DYTN: variants seen among roughly 807,000 people sequenced by gnomAD.
The protein encoded by DYTN is dystrotelin.
A neutral mutation model predicts 69.6 loss-of-function variants in DYTN; 75 were observed. The observed-to-expected ratio is 1.08, with a 90% CI of 0.89 to 1.31. The LOEUF (loss-of-function observed/expected upper bound fraction) is 1.31. Among genes scored for constraint, DYTN ranks in the 50% most tolerant of loss-of-function variants. The probability of loss-of-function intolerance (pLI) is 0.00; values close to 1 mark genes in which losing one functional copy is unlikely to be tolerated. For missense variants in DYTN, 726 were observed against 688.4 expected (o/e 1.05, Z -0.61); for synonymous variants, 252 against 249.1 (o/e 1.01, Z -0.11).
rs563700897 is a variant in DYTN, at chr2:206,713,045, G to A, written c.20-2447C>T. 1.3e-4 allele frequency among the ~76,000 whole-genome samples: 20 copies of A among 152,288 alleles called. No individual in the cohort carries two copies. In the South Asian group the frequency reaches 1.9e-3, roughly 14 times the overall value. On this transcript the variant is annotated intron_variant, in intron 1 of 11. Coordinates refer to ENST00000452335, the MANE Select transcript of DYTN (RefSeq NM_001093730.1). ...ATGAACTTAGAGATGGAGAGAAACCGCTTCCTGGTGACAATGTCCCAGCCC... is the reference window on the plus strand; with the variant it reads ...ATGAACTTAGAGATGGAGAGAAACCACTTCCTGGTGACAATGTCCCAGCCC...
Position 206,710,519 on chromosome 2 carries a change from C to G in DYTN, c.94+5G>C. 1.2e-6 allele frequency: 2 copies of G among 1,608,898 alleles called. No individual in the cohort carries two copies. Among genetic ancestry groups the G allele is most frequent in the South Asian group, 2.2e-5 (2 of 89,734 alleles). On this transcript the variant is annotated splice_donor_5th_base_variant and intron_variant, in intron 2 of 11. Coordinates refer to ENST00000452335, the MANE Select transcript of DYTN (RefSeq NM_001093730.1). Reference sequence around the variant, plus strand: ...TTCAAATATTTCAGGAGAGCCTATACTTACACTGGCACAGAGTTTGCACTG... The same window carrying G: ...TTCAAATATTTCAGGAGAGCCTATAGTTACACTGGCACAGAGTTTGCACTG...
chr2:206,707,194 T>C (rs1700035585), intron 3 of DYTN, 108 bp downstream of exon 3: 4 of 1,341,640 alleles, frequency 3.0e-6, no homozygotes, highest in Non-Finnish European at 4.1e-6. Flanking sequence ...CAAAGAAGAC[T>C]TCTTATATAC....
Position 206,705,837 on chromosome 2 carries a change from G to A in DYTN, c.333C>T (p.Ala111=), listed in dbSNP as rs559885128. Residue 111 remains alanine, a synonymous_variant, in exon 4 of 12, where the codon GCC becomes GCT. Transcript: ENST00000452335. The stretch of plus-strand genomic sequence containing the variant: ...CTCCTGAGAGGGTTATTAGGGCAGC[G>A]GCCGCAGGCATAAGCTGGAGAAAAC... ...GTGFLQLMPA[A]AALITLSGDS... is the part of the protein sequence containing the mutation. The A allele has an allele frequency of 8.5e-5, 137 of 1,613,850 alleles. No homozygotes were observed. Among genetic ancestry groups the A allele is most frequent in the Middle Eastern group, 8.3e-4 (5 of 6,060 alleles).
At chr2:206,690,160 T>C (rs1266188988) in intron 9 of DYTN, among the ~76,000 whole-genome samples, 1 of 152,156 alleles carries the variant, frequency 6.6e-6, no homozygotes, top group African/African-American at 2.4e-5. Flanking sequence ...GCCTTCAGGA[T>C]GAGCCTACAT....
chr2:206,653,823 A>G (rs997623740), intron 11 of DYTN, among the ~76,000 whole-genome samples: 2 of 152,186 alleles, frequency 1.3e-5, no homozygotes, highest in South Asian at 2.1e-4. Context: ...TGCCAACCGC[A>G]TAACAGTTTT....
At chr2:206,712,017 G>A (rs1242835537) in intron 1 of DYTN, among the ~76,000 whole-genome samples, 1 of 152,078 alleles carries the variant, frequency 6.6e-6, no homozygotes, top group Admixed American at 6.5e-5. Context: ...ATTCAATAAA[G>A]TTATATAAGA....
chr2:206,705,928 T>A, intron 3 of DYTN, 55 bp from the exon 4 acceptor site: 1 of 1,574,342 alleles, frequency 6.4e-7, no homozygotes, highest in Non-Finnish European at 8.7e-7. Context: ...TTACCTTTGG[T>A]GTAATGGATG....
intron 11 of DYTN, among the ~76,000 whole-genome samples, chr2:206,655,114 T>C (rs1026485487): frequency 1.3e-5 from 2 of 152,202 alleles, no homozygotes; most frequent in African/African-American, 4.8e-5. Context: ...ATGTTAGCTG[T>C]GGGTTTTTCT....
At chr2:206,653,268 A>T (rs1699408228) in intron 11 of DYTN, among the ~76,000 whole-genome samples, 1 of 152,182 alleles carries the variant, frequency 6.6e-6, no homozygotes, top group South Asian at 2.1e-4. Context: ...ACATACTGTA[A>T]TTTTTCTTAT....
intron 5 of DYTN, among the ~76,000 whole-genome samples, chr2:206,700,632 A>T (rs1699967480): frequency 6.6e-6 from 1 of 151,810 alleles, no homozygotes; most frequent in Non-Finnish European, 1.5e-5. Context: ...TCTGGGATAC[A>T]TGTGCAGAAC....
chr2:206,678,406 T>TA (rs1427302563), intron 9 of DYTN, among the ~76,000 whole-genome samples: 7 of 152,364 alleles, frequency 4.6e-5, no homozygotes, highest in African/African-American at 7.2e-5. Context: ...TGAAGAGCCT[T>TA]AAAAATGTTT....
At chr2:206,674,226 T>C (rs78245736) in intron 9 of DYTN, among the ~76,000 whole-genome samples, 5,127 of 152,214 alleles carry the variant, frequency 0.034, 113 homozygotes, top group Middle Eastern at 0.061. Flanking sequence ...AAAAAATGAC[T>C]TGATTTCTGG....
At chr2:206,660,230 T>C (rs1233802564) in intron 11 of DYTN, among the ~76,000 whole-genome samples, 1 of 152,238 alleles carries the variant, frequency 6.6e-6, no homozygotes, top group Non-Finnish European at 1.5e-5. Flanking sequence ...TTTAGAAGTA[T>C]ACTTCACCTT....
intron 9 of DYTN, chr2:206,670,667 C>G (rs1438160104): frequency 6.6e-6 from 1 of 152,156 alleles, no homozygotes; most frequent in Non-Finnish European, 1.5e-5. Flanking sequence ...GAAATTCAAT[C>G]TATTTCAAAA....
At chr2:206,667,784 A>G (rs1435387885) in intron 9 of DYTN, among the ~76,000 whole-genome samples, 2 of 151,988 alleles carry the variant, frequency 1.3e-5, no homozygotes, top group Admixed American at 6.6e-5. Flanking sequence ...TAGTAGGTTT[A>G]CAACTAAAAT....
chr2:206,693,440 T>A, intron 8 of DYTN, 117 bp from the exon 9 acceptor site: 2 of 1,312,022 alleles, frequency 1.5e-6, no homozygotes, highest in South Asian at 3.0e-5. Context: ...TCTTAAGTCC[T>A]CAGAAAAATA....
chr2:206,684,970 G>C (rs1009885516), intron 9 of DYTN, among the ~76,000 whole-genome samples: 1 of 152,054 alleles, frequency 6.6e-6, no homozygotes, highest in Admixed American at 6.6e-5. Flanking sequence ...AATCAGGTTT[G>C]TTTACCCTCA....
At chr2:206,715,250 T>A (rs1700115703) in intron 1 of DYTN, among the ~76,000 whole-genome samples, 1 of 152,134 alleles carries the variant, frequency 6.6e-6, no homozygotes, top group Non-Finnish European at 1.5e-5. Context: ...CCCTGGGTCC[T>A]AGGTTTGGAT....
At chr2:206,681,147 A>C (rs2105893788) in intron 9 of DYTN, among the ~76,000 whole-genome samples, 1 of 152,252 alleles carries the variant, frequency 6.6e-6, no homozygotes, top group South Asian at 2.1e-4. Context: ...TGTGAATGGA[A>C]GTTCATTCAT....
Sources: gnomAD v4.1 joint callset for allele counts (sites outside exome capture counted in the v4.1 genomes callset) on GRCh38, gnomAD v4.1.1 for gene constraint, MANE v1.5 for transcripts, NCBI Gene and HGNC (gene_info 2026-07-23, HGNC 2026-07-21) for gene names.